The following PACS1 variants were observed in gnomAD, a reference collection of about 807,000 sequenced individuals.
PACS1 encodes PACS-1.
PACS1 carries 24 observed loss-of-function variants against 115.0 expected under a neutral mutation model. The ratio of observed to expected loss-of-function variants is 0.21; its 90% confidence interval spans 0.15 to 0.29. The LOEUF is 0.29. Ranked by LOEUF, PACS1 falls within the 10% of genes least tolerant of loss-of-function variation. PACS1 has a pLI of 1.00. For missense variants in PACS1, 838 were observed against 1,251.2 expected (o/e 0.67, Z 4.98); for synonymous variants, 453 against 504.5 (o/e 0.90, Z 1.37).
chr11:66,149,090 CTTTTTTTTTTT>C (rs10717909), intron 1 of PACS1, among the ~76,000 whole-genome samples: 3 of 98,138 alleles, frequency 3.1e-5, no homozygotes, highest in Non-Finnish European at 2.0e-5. Context: ...TGCACACGCA[CTTTTTTTTTTT>C]TTTTTTTTTT....
At chr11:66,215,477 C>T (rs1855179480) in intron 4 of PACS1, among the ~76,000 whole-genome samples, 1 of 151,984 alleles carries the variant, frequency 6.6e-6, no homozygotes, top group Non-Finnish European at 1.5e-5. Flanking sequence ...GTGGTGTGTG[C>T]CTGTGGTCCC....
At chr11:66,129,708 G>A (rs1223454644) in intron 1 of PACS1, among the ~76,000 whole-genome samples, 1 of 151,998 alleles carries the variant, frequency 6.6e-6, no homozygotes, top group East Asian at 1.9e-4. Flanking sequence ...TACCTGGCTT[G>A]TGCTGCATCT....
intron 1 of PACS1, among the ~76,000 whole-genome samples, chr11:66,137,862 C>T (rs1277824520): frequency 1.3e-5 from 2 of 152,186 alleles, no homozygotes; most frequent in African/African-American, 4.8e-5. Context: ...TTAATGTGAA[C>T]AGGAATAACC....
intron 1 of PACS1, among the ~76,000 whole-genome samples, chr11:66,165,972 C>T (rs1372881388): frequency 6.6e-6 from 1 of 152,118 alleles, no homozygotes; most frequent in Non-Finnish European, 1.5e-5. Flanking sequence ...TTTCCTGTTT[C>T]CACTCTCCCC....
In PACS1 at chr11:66,244,176, A is replaced by T. The variant is rs894615300; in HGVS notation, c.*896A>T. The T allele has an allele frequency of 1.3e-5, 2 of 151,838 alleles. No homozygotes were observed. The highest frequency in any genetic ancestry group is 4.8e-5 in the African/African-American group (2 of 41,290). The allele number at this position is 151,838 out of a possible 1,614,324, so 9.4% of individuals were successfully genotyped here. On this transcript the variant is annotated 3_prime_UTR_variant, in exon 24 of 24. Coordinates refer to ENST00000320580, the MANE Select transcript of PACS1 (RefSeq NM_018026.4). ...CACAGCTCTGCCTGGACTTGGAGAG[A>T]TGGGAGGCAGACCCCCACCACCATA...
intron 1 of PACS1, among the ~76,000 whole-genome samples, chr11:66,078,430 T>A (rs1857430086): frequency 6.6e-6 from 1 of 152,216 alleles, no homozygotes; most frequent in Non-Finnish European, 1.5e-5. Flanking sequence ...GTTATGTGAT[T>A]TCTTTCTAAA....
intron 1 of PACS1, among the ~76,000 whole-genome samples, chr11:66,099,552 G>T (rs1857866263): frequency 6.6e-6 from 1 of 150,506 alleles, no homozygotes; most frequent in Non-Finnish European, 1.5e-5. Flanking sequence ...TTTCTTTTTT[G>T]GGGGGGTTTT....
intron 1 of PACS1, among the ~76,000 whole-genome samples, chr11:66,191,808 G>T (rs1854528706): frequency 6.6e-6 from 1 of 152,170 alleles, no homozygotes; most frequent in Non-Finnish European, 1.5e-5. Context: ...CGGATCACCT[G>T]AGGTCAGGAG....
chr11:66,165,452 G>A (rs1272731803), intron 1 of PACS1, among the ~76,000 whole-genome samples: 1 of 151,974 alleles, frequency 6.6e-6, no homozygotes, highest in Non-Finnish European at 1.5e-5. Context: ...TCTATGCCTC[G>A]ACTCCTAAAT....
intron 1 of PACS1, among the ~76,000 whole-genome samples, chr11:66,074,178 C>A (rs992933664): frequency 1.3e-5 from 2 of 152,104 alleles, no homozygotes; most frequent in African/African-American, 4.8e-5. Context: ...TCCCTCTTCT[C>A]ACTTCCCAGA....
chr11:66,232,302 G>A, intron 14 of PACS1, 26 bp downstream of exon 14: 1 of 1,388,584 alleles, frequency 7.2e-7, no homozygotes, highest in East Asian at 2.3e-5. Context: ...GCGAGGCCAT[G>A]TGGGGTCCTG....
intron 4 of PACS1, among the ~76,000 whole-genome samples, chr11:66,214,327 C>T (rs1006460030): frequency 7.9e-5 from 12 of 152,286 alleles, no homozygotes; most frequent in Non-Finnish European, 1.3e-4. Flanking sequence ...GCCCCTGCTA[C>T]GCCAGGCTCT....
Position 66,168,409 on chromosome 11 carries a change from C to T in PACS1, c.357-25077C>T, listed in dbSNP as rs1223398907. On this transcript the variant is annotated intron_variant, in intron 1 of 23. Transcript: ENST00000320580. ...AACTTACAACTCCATGCAGGTCTTG[C>T]ACATCTTATGGAGCGAGACAGTGTA... Among the ~76,000 whole-genome samples the T allele has an allele frequency of 4.0e-5, 6 of 150,538 alleles. No individual in the cohort carries two copies. The South Asian group carries it at 1.2e-3, about 31-fold the overall frequency.
At position 66,114,154 on chromosome 11, in the gene PACS1, C is replaced by T. The variant is rs1052473040; in HGVS notation, c.356+43312C>T. Among the ~76,000 whole-genome samples the T allele has an allele frequency of 3.3e-5, 5 of 151,784 alleles. No individual in the cohort carries two copies. In the South Asian group the frequency reaches 1.0e-3, roughly 32 times the overall value. ...ATCTTGGGGGCTGGGTGCGGTGTCTCACGCCTGTAATCCCAGCACTTTGGG... is the reference window on the plus strand; with the variant it reads ...ATCTTGGGGGCTGGGTGCGGTGTCTTACGCCTGTAATCCCAGCACTTTGGG... On this transcript the variant is annotated intron_variant, in intron 1 of 23. Transcript: ENST00000320580.
intron 1 of PACS1, among the ~76,000 whole-genome samples, chr11:66,093,690 G>C (rs1044324581): frequency 1.3e-5 from 2 of 150,302 alleles, no homozygotes; most frequent in South Asian, 4.2e-4. Context: ...TCTGCACCAA[G>C]CGGACCTAAT....
chr11:66,129,721 ATTTTTCC>A (rs1858661258), intron 1 of PACS1, among the ~76,000 whole-genome samples: 1 of 151,720 alleles, frequency 6.6e-6, no homozygotes, highest in Non-Finnish European at 1.5e-5. Flanking sequence ...CTGCATCTTT[ATTTTTCC>A]CTTCACCTCA....
intron 2 of PACS1, among the ~76,000 whole-genome samples, chr11:66,196,402 T>C (rs1201812468): frequency 2.0e-5 from 3 of 152,246 alleles, no homozygotes; most frequent in Non-Finnish European, 4.4e-5. Flanking sequence ...TCTCTAAGAC[T>C]AGAGCCTGTG....
At position 66,235,549 on chromosome 11, in the gene PACS1, A is replaced by C; in HGVS notation, c.2207+146A>C. On this transcript the variant is annotated intron_variant, in intron 18 of 23. Transcript: ENST00000320580. The surrounding 1 kb of genome is among the most constrained non-coding windows in gnomAD (Gnocchi z 5.6). ...AAGGATATGAGTGGTTTTTACCACC[A>C]CCTCCCCAGCACTCCTTCCTTGCCC... 1.5e-6 allele frequency: 1 copy of C among 649,680 alleles called. No individual in the cohort carries two copies. Among genetic ancestry groups the C allele is most frequent in the East Asian group, 2.8e-5 (1 of 36,310 alleles). 40.2% of individuals were successfully genotyped at this position (649,680 alleles called of 1,614,324 possible). A position where few individuals can be genotyped will look rare whatever the true frequency, so the allele number is the denominator to read the frequency against.
In PACS1 at chr11:66,244,407, A is replaced by C. The variant is rs2134759208; in HGVS notation, c.*1127A>C. The C allele has an allele frequency of 6.6e-6, 1 of 152,446 alleles. No homozygotes were observed. Among genetic ancestry groups the C allele is most frequent in the South Asian group, 2.1e-4 (1 of 4,828 alleles). The allele number at this position is 152,446 out of a possible 1,614,324, so 9.4% of individuals were successfully genotyped here. A position where few individuals can be genotyped will look rare whatever the true frequency, so the allele number is the denominator to read the frequency against. On this transcript the variant is annotated 3_prime_UTR_variant, in exon 24 of 24. Coordinates refer to ENST00000320580, the MANE Select transcript of PACS1 (RefSeq NM_018026.4). ...CTCCCTCTCACCAACCCGGGGTCTG[A>C]GCCCCTCATTCCTGACCGTCCGTGT...
Sources: gnomAD v4.1 joint callset for allele counts (sites outside exome capture counted in the v4.1 genomes callset) on GRCh38, gnomAD v4.1.1 for gene constraint, Gnocchi (gnomAD v3.1) non-coding constraint, MANE v1.5 for transcripts, NCBI Gene and HGNC (gene_info 2026-07-23, HGNC 2026-07-21) for gene names.